The following DAB1 variants were observed in gnomAD, a reference collection of about 807,000 sequenced individuals.
DAB1 encodes disabled homolog 1.
DAB1 carries 15 observed loss-of-function variants against 64.6 expected under a neutral mutation model. The observed-to-expected ratio is 0.23, with a 90% CI of 0.16 to 0.36. The LOEUF (loss-of-function observed/expected upper bound fraction) is 0.36. Among genes scored for constraint, DAB1 ranks in the 10% least tolerant of loss-of-function variants. The pLI, the probability that DAB1 is intolerant of heterozygous loss-of-function variation, is 1.00. For missense variants in DAB1, 596 were observed against 706.7 expected, an observed-to-expected ratio of 0.84 and a Z score of 1.78; for synonymous variants, 235 against 251.9, an observed-to-expected ratio of 0.93 and a Z score of 0.64.
intron 2 of DAB1, among the ~76,000 whole-genome samples, chr1:57,288,806 G>A (rs571177605): frequency 6.6e-6 from 1 of 152,174 alleles, no homozygotes; most frequent in South Asian, 2.1e-4. Flanking sequence ...AAAGGAAAAG[G>A]GAGGAAAAAG....
At chr1:57,280,422 A>T (rs1216791104) in intron 2 of DAB1, among the ~76,000 whole-genome samples, 1 of 152,182 alleles carries the variant, frequency 6.6e-6, no homozygotes, top group African/African-American at 2.4e-5. Context: ...TGCTCAGCAA[A>T]CTTACACAAA....
intron 5 of DAB1, among the ~76,000 whole-genome samples, chr1:58,150,269 C>T (rs1488775077): frequency 1.1e-4 from 16 of 152,142 alleles, no homozygotes; most frequent in Non-Finnish European, 2.4e-4. Context: ...TCCAAAATCT[C>T]TAAGGGTCAA....
At chr1:57,803,348 C>G (rs1263146578) in intron 6 of DAB1, among the ~76,000 whole-genome samples, 1 of 152,218 alleles carries the variant, frequency 6.6e-6, no homozygotes, top group Non-Finnish European at 1.5e-5. Context: ...AACTATCAAC[C>G]CATAACCTGT....
At chr1:57,908,627 C>G (rs1644594072) in intron 5 of DAB1, among the ~76,000 whole-genome samples, 1 of 152,024 alleles carries the variant, frequency 6.6e-6, no homozygotes, top group East Asian at 1.9e-4. Context: ...AGGCCCCTGT[C>G]AAGGGCCTGT....
chr1:57,143,444 GAAAAAA>G (rs200235363), intron 3 of DAB1, among the ~76,000 whole-genome samples: 1 of 149,938 alleles, frequency 6.7e-6, no homozygotes, highest in East Asian at 1.9e-4. Context: ...CTTAATTATT[GAAAAAA>G]AAAGATGCAC....
intron 4 of DAB1, among the ~76,000 whole-genome samples, chr1:57,095,393 G>A (rs1287615278): frequency 6.6e-6 from 1 of 152,180 alleles, no homozygotes; most frequent in Admixed American, 6.5e-5. Context: ...TCAGAGAACT[G>A]GAGAAGGAAG....
At chr1:57,735,338 A>G (rs1407305855) in intron 6 of DAB1, among the ~76,000 whole-genome samples, 1 of 152,182 alleles carries the variant, frequency 6.6e-6, no homozygotes, top group Non-Finnish European at 1.5e-5. Flanking sequence ...AATAAGAATA[A>G]TTCCTGCCCC....
intron 3 of DAB1, among the ~76,000 whole-genome samples, chr1:58,504,292 C>A (rs1645952346): frequency 6.6e-6 from 1 of 152,172 alleles, no homozygotes; most frequent in South Asian, 2.1e-4. Flanking sequence ...GCCCCAATGT[C>A]TTCCTTGCTA....
intron 4 of DAB1, among the ~76,000 whole-genome samples, chr1:58,253,727 A>G (rs1004662931): frequency 9.2e-5 from 14 of 152,218 alleles, no homozygotes; most frequent in African/African-American, 2.7e-4. Flanking sequence ...CCAACAGCTA[A>G]CTAGTAAGAG....
At chr1:57,675,996 C>G (rs931942146) in intron 6 of DAB1, among the ~76,000 whole-genome samples, 13 of 152,260 alleles carry the variant, frequency 8.5e-5, no homozygotes, top group Admixed American at 7.8e-4. Context: ...GACAATAATT[C>G]TGTGTGTGTG....
At chr1:57,277,861 T>C (rs1671592450) in intron 2 of DAB1, among the ~76,000 whole-genome samples, 1 of 152,220 alleles carries the variant, frequency 6.6e-6, no homozygotes, top group Non-Finnish European at 1.5e-5. Context: ...ACTGGGCTTC[T>C]TCCAGTGCAA....
chr1:57,409,819 A>G (rs1388712281), intron 1 of DAB1, among the ~76,000 whole-genome samples: 1 of 152,188 alleles, frequency 6.6e-6, no homozygotes, highest in Admixed American at 6.5e-5. Flanking sequence ...CAAAAAGCAA[A>G]CAAACAAACA....
At chr1:57,377,281 AAAAAG>A (rs1553174558) in intron 1 of DAB1, among the ~76,000 whole-genome samples, 3 of 146,498 alleles carry the variant, frequency 2.0e-5, no homozygotes, top group Non-Finnish European at 3.0e-5. Context: ...AAAAAAAAAA[AAAAAG>A]AAAAGAAAAG....
intron 3 of DAB1, among the ~76,000 whole-genome samples, chr1:58,347,512 C>T (rs1396956690): frequency 6.6e-6 from 1 of 152,172 alleles, no homozygotes; most frequent in African/African-American, 2.4e-5. Flanking sequence ...CCTGAGCCAC[C>T]TGGGAAAGAC....
At chr1:58,053,929 C>T (rs543842407) in intron 5 of DAB1, among the ~76,000 whole-genome samples, 1 of 152,356 alleles carries the variant, frequency 6.6e-6, no homozygotes, top group South Asian at 2.1e-4. Flanking sequence ...GTCTTCTCAC[C>T]TAATCCATGG....
intron 6 of DAB1, among the ~76,000 whole-genome samples, chr1:57,677,607 A>G (rs780945177): frequency 5.3e-5 from 8 of 152,200 alleles, no homozygotes; most frequent in Non-Finnish European, 7.3e-5. Flanking sequence ...CCACAAAACC[A>G]TGCAAAAAAT....
At chr1:57,760,079 C>A (rs181918632) in intron 6 of DAB1, among the ~76,000 whole-genome samples, 1 of 152,144 alleles carries the variant, frequency 6.6e-6, no homozygotes, top group Non-Finnish European at 1.5e-5. Context: ...AGAACTGAAG[C>A]TCTCCATGGA....
rs183331238 is a variant in DAB1, at chr1:57,389,100, T to C, written c.-137+34830A>G. The stretch of plus-strand genomic sequence containing the variant: ...AACAGGAGACATGGGTGGAACCTTG[T>C]CCTATGCACCCCCAAACACAGCCTC... On this transcript the variant is annotated intron_variant, in intron 1 of 14. Coordinates refer to ENST00000371236, the MANE Select transcript of DAB1 (RefSeq NM_001365792.1). 3.0e-3 allele frequency among the ~76,000 whole-genome samples: 450 copies of C among 152,324 alleles called. 2 individuals are homozygous for C. The highest frequency in any genetic ancestry group is 0.01 in the African/African-American group (436 of 41,562).
chr1:58,304,945 T>TA (rs978865006), intron 4 of DAB1, among the ~76,000 whole-genome samples: 5 of 151,980 alleles, frequency 3.3e-5, no homozygotes, highest in Non-Finnish European at 2.9e-5. Flanking sequence ...TATACAACAC[T>TA]AAAAAAAACA....
Sources: allele counts gnomAD v4.1 joint callset (sites outside exome capture counted in the v4.1 genomes callset), GRCh38; gene constraint gnomAD v4.1.1; transcripts MANE v1.5; gene names NCBI Gene and HGNC (gene_info 2026-07-23, HGNC 2026-07-21).